The following DCDC2 variants were observed in gnomAD, a reference collection of about 807,000 sequenced individuals.
DCDC2 encodes doublecortin domain-containing protein 2.
In DCDC2, 40 loss-of-function variants were observed where a neutral mutation model predicts 50.2. That is an observed-to-expected ratio of 0.80 (90% CI 0.62 to 1.04). The LOEUF (loss-of-function observed/expected upper bound fraction) is 1.04, where lower values mean the gene tolerates loss of function less well. Ranked by LOEUF, DCDC2 falls within the 50% of genes least tolerant of loss-of-function variation. The pLI, the probability that DCDC2 is intolerant of heterozygous loss-of-function variation, is 0.00. For synonymous variants in DCDC2, 234 were observed against 210.6 expected (o/e 1.11, Z -0.96); for missense variants, 570 against 581.9 (o/e 0.98, Z 0.21).
chr6:24,344,149 C>G (rs369886124), intron 2 of DCDC2, among the ~76,000 whole-genome samples: 117 of 152,258 alleles, frequency 7.7e-4, no homozygotes, highest in African/African-American at 2.7e-3. Flanking sequence ...CCAGTAACCA[C>G]CATTTTTTTT....
intron 2 of DCDC2, among the ~76,000 whole-genome samples, chr6:24,324,081 T>A (rs62400442): frequency 0.11 from 16,146 of 152,140 alleles, 996 homozygotes; most frequent in African/African-American, 0.17. Context: ...CCAAGCTTAA[T>A]TGGAAAAATA....
intron 7 of DCDC2, among the ~76,000 whole-genome samples, chr6:24,219,748 C>T (rs188280110): frequency 4.3e-4 from 66 of 152,246 alleles, no homozygotes; most frequent in Non-Finnish European, 8.2e-4. Context: ...AACTTGTGTG[C>T]TTTGTAAGTG....
At chr6:24,258,111 A>C (rs1258402290) in intron 7 of DCDC2, among the ~76,000 whole-genome samples, 9 of 152,154 alleles carry the variant, frequency 5.9e-5, no homozygotes, top group Non-Finnish European at 1.3e-4. Context: ...GGTCTCGCTG[A>C]CTTCAAAAAT....
intron 2 of DCDC2, among the ~76,000 whole-genome samples, chr6:24,313,623 G>A (rs898747668): frequency 1.1e-4 from 17 of 152,192 alleles, no homozygotes; most frequent in African/African-American, 4.1e-4. Flanking sequence ...AGTATGCAGC[G>A]GGCAGCCCGT....
rs34647318 is a variant in DCDC2 at position 24,178,475 on chromosome 6, T to C, written c.1181A>G (p.His394Arg). 7 of 1,614,208 alleles carry C rather than the reference T, an allele frequency of 4.3e-6. No individual in the cohort carries two copies. The East Asian group carries it at 6.7e-5, about 15-fold the overall frequency. The change falls in exon 9 of 10, where the codon CAC becomes CGC. Residue 394 changes from histidine to arginine, a missense_variant. Physicochemically the swap from His to Arg is conservative, Grantham distance 29. Coordinates refer to ENST00000378454, the MANE Select transcript of DCDC2 (RefSeq NM_016356.5). ...AGCAGGGCGTGCCTGCTGCTCACTG[T>C]GATCCAGAATCTCCTCGACTTGCTC... ...APEQVEEILDHSEQQARPARV... is the reference protein window; with the variant it reads ...APEQVEEILDRSEQQARPARV...
intron 2 of DCDC2, among the ~76,000 whole-genome samples, chr6:24,324,711 T>C (rs76484225): frequency 0.029 from 4,363 of 152,002 alleles, 115 homozygotes; most frequent in African/African-American, 0.067. Flanking sequence ...TAGTAGACCC[T>C]ATCTCTACAA....
chr6:24,302,119 C>T, intron 2 of DCDC2, 75 bp from the exon 3 acceptor site: 2 of 1,351,598 alleles, frequency 1.5e-6, no homozygotes, highest in Non-Finnish European at 2.0e-6. Context: ...GGAAAATCTA[C>T]AGTTTCTAGG....
upstream of DCDC2, among the ~76,000 whole-genome samples, chr6:24,359,404 T>TTTATATA (rs1760608392): frequency 1.5e-5 from 1 of 68,912 alleles, no homozygotes; most frequent in Non-Finnish European, 2.5e-5. Context: ...TTATATATAT[T>TTTATATA]TTATATATTA....
At chr6:24,187,711 A>C (rs1761235926) in intron 8 of DCDC2, among the ~76,000 whole-genome samples, 1 of 152,188 alleles carries the variant, frequency 6.6e-6, no homozygotes, top group African/African-American at 2.4e-5. Context: ...GTCTTAAATA[A>C]GACACAAATG....
chr6:24,218,464 T>C (rs2113772404), intron 7 of DCDC2, among the ~76,000 whole-genome samples: 2 of 152,330 alleles, frequency 1.3e-5, no homozygotes, highest in Non-Finnish European at 1.5e-5. Context: ...TTAGAAAAGA[T>C]AAAATACATA....
chr6:24,182,855 A>G (rs938352893), intron 8 of DCDC2, among the ~76,000 whole-genome samples: 2 of 152,338 alleles, frequency 1.3e-5, no homozygotes, highest in East Asian at 3.9e-4. Context: ...TGTACACCCA[A>G]GTTTATAGGA....
chr6:24,285,416 C>T (rs1336431393), intron 6 of DCDC2, among the ~76,000 whole-genome samples: 1 of 152,112 alleles, frequency 6.6e-6, no homozygotes, highest in Non-Finnish European at 1.5e-5. Context: ...TATTACTGTG[C>T]ACTTTTCTTT....
intron 7 of DCDC2, among the ~76,000 whole-genome samples, chr6:24,254,735 A>G (rs1156974262): frequency 6.6e-6 from 1 of 152,222 alleles, no homozygotes; most frequent in African/African-American, 2.4e-5. Context: ...AAATGGCTAC[A>G]TCAGTCAGAT....
At chr6:24,328,867 G>A (rs115629436) in intron 2 of DCDC2, among the ~76,000 whole-genome samples, 1,570 of 152,236 alleles carry the variant, frequency 0.01, 12 homozygotes, top group South Asian at 0.017. Context: ...TTGGAAAGCA[G>A]GAGCCACATA....
At chr6:24,342,461 C>A (rs529194555) in intron 2 of DCDC2, among the ~76,000 whole-genome samples, 1 of 152,334 alleles carries the variant, frequency 6.6e-6, no homozygotes, top group Non-Finnish European at 1.5e-5. Flanking sequence ...CCAGCCACTT[C>A]TCCGTGGAGT....
At chr6:24,318,997 A>G (rs1207137455) in intron 2 of DCDC2, among the ~76,000 whole-genome samples, 1 of 152,098 alleles carries the variant, frequency 6.6e-6, no homozygotes, top group Non-Finnish European at 1.5e-5. Flanking sequence ...TAGTTCTTTG[A>G]GAAATCTCCA....
At chr6:24,179,022 A>C (rs1247555153) in intron 8 of DCDC2, among the ~76,000 whole-genome samples, 1 of 151,820 alleles carries the variant, frequency 6.6e-6, no homozygotes, top group Non-Finnish European at 1.5e-5. Context: ...CTAGTGAAGC[A>C]CCTGGCCCAG....
Position 24,301,699 on chromosome 6 carries a change from G to A in DCDC2, c.557+16C>T, listed in dbSNP as rs1436645117. 3 of 1,611,754 alleles carry A rather than the reference G, an allele frequency of 1.9e-6. No individual in the cohort carries two copies. The highest frequency in any genetic ancestry group is 8.5e-7 in the Non-Finnish European group (1 of 1,178,844). On this transcript the variant is annotated intron_variant, in intron 4 of 9. Coordinates refer to ENST00000378454, the MANE Select transcript of DCDC2 (RefSeq NM_016356.5). ...AATTCAAAAACTCCTCCACTTACAA[G>A]ATTGTTTTGACATACCTGTGAACAG...
the DCDC2 span, among the ~76,000 whole-genome samples, chr6:24,382,184 T>C: frequency 6.6e-6 from 1 of 152,152 alleles, no homozygotes; most frequent in African/African-American, 2.4e-5. Flanking sequence ...TCACTCTCAA[T>C]GGGAGCAAGA....
Sources: allele counts gnomAD v4.1 joint callset (sites outside exome capture counted in the v4.1 genomes callset), GRCh38; gene constraint gnomAD v4.1.1; transcripts MANE v1.5; gene names NCBI Gene and HGNC (gene_info 2026-07-23, HGNC 2026-07-21).